GALNT13: variants seen among roughly 807,000 people sequenced by gnomAD.
GALNT13 encodes polypeptide N-acetylgalactosaminyltransferase 13.
GALNT13 carries 28 observed loss-of-function variants against 64.2 expected under a neutral mutation model. The observed-to-expected ratio is 0.44, with a 90% CI of 0.32 to 0.60. The LOEUF is 0.60. Ranked by LOEUF, GALNT13 falls within the 20% of genes least tolerant of loss-of-function variation. The probability of loss-of-function intolerance (pLI) is 0.05; values close to 1 mark genes in which losing one functional copy is unlikely to be tolerated. For synonymous variants in GALNT13, 214 were observed against 224.6 expected (o/e 0.95, Z 0.42); for missense variants, 577 against 669.8 (o/e 0.86, Z 1.53).
At chr2:153,511,118 A>C in the GALNT13 span, among the ~76,000 whole-genome samples, 1 of 152,126 alleles carries the variant, frequency 6.6e-6, no homozygotes, top group South Asian at 2.1e-4. Context: ...GAGTTGGAGG[A>C]GGAGGATTCT....
chr2:153,449,830 G>A, the GALNT13 span: 1 of 152,134 alleles, frequency 6.6e-6, no homozygotes, highest in Non-Finnish European at 1.5e-5. Flanking sequence ...TGGGATACAT[G>A]TTACTTGCAT....
the GALNT13 span, among the ~76,000 whole-genome samples, chr2:153,288,838 A>T: frequency 6.6e-6 from 1 of 152,336 alleles, no homozygotes; most frequent in East Asian, 1.9e-4. Context: ...GGGATCTTGA[A>T]ATGTATCACC....
the GALNT13 span, among the ~76,000 whole-genome samples, chr2:153,438,136 G>C: frequency 1.3e-5 from 2 of 152,170 alleles, no homozygotes; most frequent in Non-Finnish European, 2.9e-5. Flanking sequence ...TTTTCTTTAA[G>C]AATGTTGAAT....
chr2:153,746,061 C>T, the GALNT13 span, among the ~76,000 whole-genome samples: 14 of 152,072 alleles, frequency 9.2e-5, no homozygotes, highest in East Asian at 5.8e-4. Flanking sequence ...AATAGTGATA[C>T]GCTATGCTTC....
the GALNT13 span, among the ~76,000 whole-genome samples, chr2:153,662,339 G>A: frequency 2.6e-5 from 4 of 152,058 alleles, no homozygotes; most frequent in South Asian, 4.1e-4. Flanking sequence ...GCCCACTTCC[G>A]TTTCCTTCAT....
intron 3 of GALNT13, among the ~76,000 whole-genome samples, chr2:154,108,989 C>T (rs1024817570): frequency 3.3e-5 from 5 of 151,874 alleles, no homozygotes; most frequent in African/African-American, 1.2e-4. Flanking sequence ...CTTCAGCTTT[C>T]TTTTTTTAAC....
intron 9 of GALNT13, among the ~76,000 whole-genome samples, chr2:154,354,681 T>C (rs1290594628): frequency 6.6e-6 from 1 of 152,054 alleles, no homozygotes; most frequent in Non-Finnish European, 1.5e-5. Context: ...AGACCACCCT[T>C]TTCCCCATTG....
intron 9 of GALNT13, among the ~76,000 whole-genome samples, chr2:154,372,542 C>A (rs981901699): frequency 2.0e-5 from 3 of 151,966 alleles, no homozygotes; most frequent in Non-Finnish European, 4.4e-5. Flanking sequence ...CGACAGGGGA[C>A]CAATCAACTA....
At chr2:154,189,472 CAAAAAAA>C (rs35557058) in intron 4 of GALNT13, among the ~76,000 whole-genome samples, 4 of 81,412 alleles carry the variant, frequency 4.9e-5, no homozygotes, top group Admixed American at 3.1e-4. Flanking sequence ...ACGTGCACAC[CAAAAAAA>C]AAAAAAAAAA....
chr2:153,985,330 A>C (rs1397439036), intron 3 of GALNT13, among the ~76,000 whole-genome samples: 1 of 151,996 alleles, frequency 6.6e-6, no homozygotes, highest in African/African-American at 2.4e-5. Flanking sequence ...ATTTGGCTGC[A>C]TCCTGCCCAG....
the GALNT13 span, among the ~76,000 whole-genome samples, chr2:153,383,382 A>G: frequency 0.15 from 23,040 of 152,106 alleles, 1,984 homozygotes; most frequent in Middle Eastern, 0.28. Flanking sequence ...ACACAGCCTC[A>G]TTCTCTAAAT....
At chr2:153,361,781 C>T in the GALNT13 span, among the ~76,000 whole-genome samples, 1 of 152,114 alleles carries the variant, frequency 6.6e-6, no homozygotes. Flanking sequence ...GAGAAAGGAA[C>T]CAAGTTGGAA....
the GALNT13 span, among the ~76,000 whole-genome samples, chr2:153,277,923 C>CTTTTT: frequency 0.087 from 6,816 of 78,190 alleles, 2,220 homozygotes; most frequent in African/African-American, 0.17. Flanking sequence ...GTTTTCTTTT[C>CTTTTT]TTTCTTTTTT....
chr2:153,631,331 T>C, the GALNT13 span, among the ~76,000 whole-genome samples: 2 of 152,204 alleles, frequency 1.3e-5, no homozygotes, highest in East Asian at 3.9e-4. Context: ...TACCCAGTAA[T>C]GGGATGGCTG....
chr2:153,448,231 G>A, the GALNT13 span, among the ~76,000 whole-genome samples: 1 of 152,162 alleles, frequency 6.6e-6, no homozygotes. Context: ...ATGTAGTGAA[G>A]CATGTTGCTT....
At chr2:153,383,056 C>T in the GALNT13 span, among the ~76,000 whole-genome samples, 1 of 151,774 alleles carries the variant, frequency 6.6e-6, no homozygotes, top group African/African-American at 2.4e-5. Context: ...TTTCTTTATC[C>T]ATCCATACTT....
At chr2:153,108,004 A>G in the GALNT13 span, among the ~76,000 whole-genome samples, 83,227 of 152,026 alleles carry the variant, frequency 0.55, 24,217 homozygotes, top group South Asian at 0.72. Flanking sequence ...CAGCCTCCCA[A>G]GTAGCTGGGA....
intron 4 of GALNT13, among the ~76,000 whole-genome samples, chr2:154,191,154 C>T (rs537505529): frequency 6.6e-6 from 1 of 152,306 alleles, no homozygotes; most frequent in South Asian, 2.1e-4. Flanking sequence ...GCTGCCTGCT[C>T]TAATGAGGTG....
chr2:154,094,289 TA>T, intron 3 of GALNT13, among the ~76,000 whole-genome samples: 1 of 151,922 alleles, frequency 6.6e-6, no homozygotes, highest in Admixed American at 6.6e-5. Flanking sequence ...TGAAAGGAAA[TA>T]TCTGGGCCAT....
Sources: allele counts gnomAD v4.1 joint callset (sites outside exome capture counted in the v4.1 genomes callset), GRCh38; gene constraint gnomAD v4.1.1; transcripts MANE v1.5; gene names NCBI Gene and HGNC (gene_info 2026-07-23, HGNC 2026-07-21).